Variants in PPM1A observed in about 807,000 individuals in gnomAD.
PPM1A encodes protein phosphatase, Mg2+/Mn2+ dependent 1A, also known as protein phosphatase 1A.
Under a neutral mutation model 35.0 loss-of-function variants are expected in PPM1A, and 7 were observed. The observed-to-expected ratio is 0.20, with a 90% CI of 0.11 to 0.38. PPM1A has a LOEUF of 0.38. Ranked by LOEUF, PPM1A falls within the 10% of genes least tolerant of loss-of-function variation. PPM1A has a pLI of 1.00. For synonymous variants in PPM1A, 153 were observed against 167.3 expected (o/e 0.91, Z 0.66); for missense variants, 239 against 467.8 (o/e 0.51, Z 4.51).
At position 60,289,937 on chromosome 14, in the gene PPM1A, T is replaced by C. The variant is rs1221598907; in HGVS notation, c.1061+23T>C. 8 of 1,418,698 alleles carry C rather than the reference T, an allele frequency of 5.6e-6. No homozygotes were observed. The highest frequency in any genetic ancestry group is 7.7e-6 in the Non-Finnish European group (8 of 1,039,528). The allele number at this position is 1,418,698 out of a possible 1,614,324, so 87.9% of individuals were successfully genotyped here. A position where few individuals can be genotyped will look rare whatever the true frequency, so the allele number is the denominator to read the frequency against. On this transcript the variant is annotated intron_variant, in intron 4 of 5. Coordinates refer to ENST00000395076, the MANE Select transcript of PPM1A (RefSeq NM_021003.5). This position sits in a 1 kb window ranked among gnomAD's most constrained non-coding sequence, Gnocchi z 4.1. ...CAAGTAAGTTACATTCTGTACACTCTTATGCTTTATGTCAGTGTATGAAAA... is the reference window on the plus strand; with the variant it reads ...CAAGTAAGTTACATTCTGTACACTCCTATGCTTTATGTCAGTGTATGAAAA...
chr14:60,252,498 C>G (rs1290017009), intron 1 of PPM1A, among the ~76,000 whole-genome samples: 2 of 152,178 alleles, frequency 1.3e-5, no homozygotes, highest in African/African-American at 4.8e-5. Context: ...TAAAACAACA[C>G]ATGGCCCTGT....
At position 60,275,333 on chromosome 14, in the gene PPM1A, A is replaced by C. The variant is rs544594638; in HGVS notation, c.-20-7351A>C. On this transcript the variant is annotated intron_variant, in intron 1 of 5. Transcript: ENST00000395076. ...CTAAGTCTTATTCTTAGCCTTACTGATGAACCAGCTTTGTAACCTTGGGCA... is the reference window on the plus strand; with the variant it reads ...CTAAGTCTTATTCTTAGCCTTACTGCTGAACCAGCTTTGTAACCTTGGGCA... Among the ~76,000 whole-genome samples the C allele has an allele frequency of 8.5e-5, 13 of 152,122 alleles. No individual in the cohort carries two copies. The South Asian group carries it at 2.7e-3, about 32-fold the overall frequency.
intron 3 of PPM1A, chr14:60,287,856 T>C (rs1887199549): frequency 3.0e-6 from 3 of 984,974 alleles, no homozygotes; most frequent in Non-Finnish European, 3.6e-6. Flanking sequence ...CTACCTTAGC[T>C]TTAAAGTTGC....
Position 60,270,287 on chromosome 14 carries a change from T to C in PPM1A, c.-20-12397T>C, listed in dbSNP as rs540514867. Among the ~76,000 whole-genome samples, 17 of 152,308 alleles carry C rather than the reference T, an allele frequency of 1.1e-4. No individual in the cohort carries two copies. In the South Asian group the frequency reaches 3.1e-3, roughly 28 times the overall value. On this transcript the variant is annotated intron_variant, in intron 1 of 5. Transcript: ENST00000395076. Reference sequence around the variant, plus strand: ...TTTTTAAAAGCTCTGTTGATACTTTTTATATTCTGGTTTCTTTTCATCCCT... The same window carrying C: ...TTTTTAAAAGCTCTGTTGATACTTTCTATATTCTGGTTTCTTTTCATCCCT...
intron 1 of PPM1A, among the ~76,000 whole-genome samples, chr14:60,251,947 CACATT>C (rs1028115539): frequency 2.0e-5 from 3 of 152,134 alleles, no homozygotes; most frequent in African/African-American, 7.2e-5. Flanking sequence ...ATTATAAAAA[CACATT>C]ATGAAGGTTT....
intron 2 of PPM1A, among the ~76,000 whole-genome samples, chr14:60,285,084 G>T (rs1377760140): frequency 1.3e-5 from 2 of 152,088 alleles, no homozygotes; most frequent in African/African-American, 4.8e-5. Flanking sequence ...TTAAAAGCTG[G>T]TTTATAAACC....
chr14:60,257,383 C>T (rs1883256417), intron 1 of PPM1A, among the ~76,000 whole-genome samples: 1 of 152,086 alleles, frequency 6.6e-6, no homozygotes, highest in Non-Finnish European at 1.5e-5. Context: ...TTTTTATAGT[C>T]TCCCTGTTCA....
Position 60,295,253 on chromosome 14 carries a change from CT to C in PPM1A, c.*2774del, listed in dbSNP as rs1887968983. 6.6e-6 allele frequency: 1 copy of C among 151,722 alleles called. No homozygotes were observed. The highest frequency in any genetic ancestry group is 1.5e-5 in the Non-Finnish European group (1 of 67,740). 9.4% of individuals were successfully genotyped at this position (151,722 alleles called of 1,614,324 possible). On this transcript the variant is annotated 3_prime_UTR_variant, in exon 6 of 6. Coordinates refer to ENST00000395076, the MANE Select transcript of PPM1A (RefSeq NM_021003.5). Reference sequence around the variant, plus strand: ...CCTAACATTAAAAAATTTCACTGATCTTTCTTTCATTAACAGGGTAGAATCT... The same window carrying C: ...CCTAACATTAAAAAATTTCACTGATCTTCTTTCATTAACAGGGTAGAATCT...
rs181233103 is a variant in PPM1A, at chr14:60,297,380, T to C, written c.*4898T>C. On this transcript the variant is annotated 3_prime_UTR_variant, in exon 6 of 6. Coordinates refer to ENST00000395076, the MANE Select transcript of PPM1A (RefSeq NM_021003.5). The stretch of plus-strand genomic sequence containing the variant: ...ATTGTGTCACATAAACCAACAAGAA[T>C]GAACCTTTGCTGCTTCAGATAATTT... The C allele has an allele frequency of 6.6e-6, 1 of 151,794 alleles. No homozygotes were observed. The highest frequency in any genetic ancestry group is 1.9e-4 in the East Asian group (1 of 5,178). 9.4% of individuals were successfully genotyped at this position (151,794 alleles called of 1,614,324 possible).
At chr14:60,252,043 C>G (rs981800188) in intron 1 of PPM1A, among the ~76,000 whole-genome samples, 4 of 152,186 alleles carry the variant, frequency 2.6e-5, no homozygotes, top group African/African-American at 9.6e-5. Context: ...AAATCTATAG[C>G]AACATCATTT....
At chr14:60,276,831 C>G (rs933614598) in intron 1 of PPM1A, among the ~76,000 whole-genome samples, 1 of 152,130 alleles carries the variant, frequency 6.6e-6, no homozygotes, top group Non-Finnish European at 1.5e-5. Flanking sequence ...CAAGACTCTA[C>G]TATGAGTTCA....
At chr14:60,258,060 T>C (rs1011014669) in intron 1 of PPM1A, among the ~76,000 whole-genome samples, 2 of 152,074 alleles carry the variant, frequency 1.3e-5, no homozygotes, top group Admixed American at 1.3e-4. Context: ...CCTTTGTTAG[T>C]CCATATCTGT....
chr14:60,291,694 A>G lies in PPM1A; in HGVS notation c.1119+240A>G, dbSNP rs138115542. Among the ~76,000 whole-genome samples, 137 of 151,654 alleles carry G rather than the reference A, an allele frequency of 9.0e-4. 1 individual carries two copies. The highest frequency in any genetic ancestry group is 3.2e-3 in the African/African-American group (131 of 41,246). ...GAAGAAAGTCCTTTTGAATTATTCT[A>G]GATTTTTTAAGTCTTTACAAACAAT... On this transcript the variant is annotated intron_variant, in intron 5 of 5. Coordinates refer to ENST00000395076, the MANE Select transcript of PPM1A (RefSeq NM_021003.5).
chr14:60,280,339 AAG>A lies in PPM1A; in HGVS notation c.-20-2341_-20-2340del, dbSNP rs1270669836. ...ATGCTTATACAGGAACAGATGGAGA[AAG>A]AGATTCGGAAAGGTTCAGTAGTCAC... On this transcript the variant is annotated intron_variant, in intron 1 of 5. Transcript: ENST00000395076. Among the ~76,000 whole-genome samples the A allele has an allele frequency of 5.3e-5, 8 of 152,302 alleles. No individual in the cohort carries two copies. The South Asian group carries it at 1.5e-3, about 28-fold the overall frequency.
chr14:60,248,597 G>A (rs1001716302), upstream of PPM1A: 1 of 152,478 alleles, frequency 6.6e-6, no homozygotes, highest in Non-Finnish European at 1.5e-5. Flanking sequence ...CTGGAGGAGT[G>A]GGACTCTGGG....
chr14:60,291,272 A>T, intron 4 of PPM1A, 125 bp from the exon 5 acceptor site: 1 of 603,444 alleles, frequency 1.7e-6, no homozygotes. Flanking sequence ...GACAGCAAGA[A>T]ATAGAACTAA....
At chr14:60,285,441 C>T (rs1006482250) in intron 2 of PPM1A, among the ~76,000 whole-genome samples, 183 bp from the exon 3 acceptor site, 5 of 150,654 alleles carry the variant, frequency 3.3e-5, no homozygotes, top group African/African-American at 5.0e-5. Context: ...CTATACTGTT[C>T]GGGGGAGGGG....
Position 60,292,335 on chromosome 14 carries a change from T to G in PPM1A, c.1120-118T>G, listed in dbSNP as rs1595379437. 1 of 709,318 alleles carries G rather than the reference T, an allele frequency of 1.4e-6. No homozygotes were observed. The highest frequency in any genetic ancestry group is 2.7e-5 in the East Asian group (1 of 36,558). 43.9% of individuals were successfully genotyped at this position (709,318 alleles called of 1,614,324 possible). ...TATACTTATATACTTTAAAAAACAT[T>G]TATATTCTAAAAGTCATCTTTACAG... is the stretch of plus-strand genomic sequence containing the variant. On this transcript the variant is annotated intron_variant, in intron 5 of 5. Coordinates refer to ENST00000395076, the MANE Select transcript of PPM1A (RefSeq NM_021003.5). This position sits in a 1 kb window ranked among gnomAD's most constrained non-coding sequence, Gnocchi z 4.2.
chr14:60,296,642 A>C lies in PPM1A; in HGVS notation c.*4160A>C. On this transcript the variant is annotated 3_prime_UTR_variant, in exon 6 of 6. Coordinates refer to ENST00000395076, the MANE Select transcript of PPM1A (RefSeq NM_021003.5). This position sits in a 1 kb window ranked among gnomAD's most constrained non-coding sequence, Gnocchi z 4.4. The stretch of plus-strand genomic sequence containing the variant: ...CTCTTACTTCCTTCAATTATGTGCC[A>C]TGTGTTTTGGTTTGTATATGTTTTA... 2.9e-6 allele frequency: 1 copy of C among 345,130 alleles called. No individual in the cohort carries two copies. 21.4% of individuals were successfully genotyped at this position (345,130 alleles called of 1,614,324 possible). A position where few individuals can be genotyped will look rare whatever the true frequency, so the allele number is the denominator to read the frequency against.
Sources: gnomAD v4.1 joint callset for allele counts (sites outside exome capture counted in the v4.1 genomes callset) on GRCh38, gnomAD v4.1.1 for gene constraint, Gnocchi (gnomAD v3.1) non-coding constraint, MANE v1.5 for transcripts, NCBI Gene and HGNC (gene_info 2026-07-23, HGNC 2026-07-21) for gene names.